Variants in VPS13B observed in about 807,000 individuals in gnomAD.
The protein encoded by VPS13B is vacuolar protein sorting 13 homolog B, also known as intermembrane lipid transfer protein VPS13B.
VPS13B carries 285 observed loss-of-function variants against 426.4 expected under a neutral mutation model. The observed-to-expected ratio is 0.67, with a 90% CI of 0.61 to 0.74. VPS13B has a LOEUF of 0.74. Ranked by LOEUF, VPS13B falls within the 30% of genes least tolerant of loss-of-function variation. The pLI is 0.00. For synonymous variants in VPS13B, 1,676 were observed against 1,676.4 expected, an observed-to-expected ratio of 1.00 and a Z score of 0.01; for missense variants, 4,537 against 4,782.6, an observed-to-expected ratio of 0.95 and a Z score of 1.51.
intron 14 of VPS13B, 40 bp downstream of exon 14, chr8:99,148,050 A>G (rs770574397): frequency 2.0e-6 from 3 of 1,487,044 alleles, no homozygotes; most frequent in Admixed American, 3.5e-5. Context: ...TCCCTCATAT[A>G]TGGATTTTTT....
intron 10 of VPS13B, among the ~76,000 whole-genome samples, chr8:99,135,350 C>G (rs1330505433): frequency 6.6e-6 from 1 of 152,022 alleles, no homozygotes; most frequent in Non-Finnish European, 1.5e-5. Context: ...ACAGTAGTTC[C>G]AACTACTTTC....
chr8:99,166,584 A>G (rs201943923), intron 15 of VPS13B, among the ~76,000 whole-genome samples: 3 of 152,344 alleles, frequency 2.0e-5, no homozygotes, highest in East Asian at 3.9e-4. Flanking sequence ...ACGAAGATAT[A>G]CATAAATGGA....
chr8:99,443,305 A>G (rs748553853), intron 23 of VPS13B, among the ~76,000 whole-genome samples: 4 of 152,148 alleles, frequency 2.6e-5, no homozygotes, highest in Non-Finnish European at 4.4e-5. Flanking sequence ...CACCTTGTTC[A>G]TATTATTATG....
chr8:99,428,119 C>A (rs1816837024), intron 21 of VPS13B, among the ~76,000 whole-genome samples: 1 of 152,102 alleles, frequency 6.6e-6, no homozygotes, highest in South Asian at 2.1e-4. Context: ...TTCCTTACAC[C>A]TTATACAAAA....
At chr8:99,064,744 G>C (rs367548478) in intron 3 of VPS13B, among the ~76,000 whole-genome samples, 1 of 152,200 alleles carries the variant, frequency 6.6e-6, no homozygotes, top group African/African-American at 2.4e-5. Context: ...TTCAAATTCA[G>C]GAAATATAGA....
intron 17 of VPS13B, among the ~76,000 whole-genome samples, chr8:99,216,813 A>T (rs1815416241): frequency 6.6e-6 from 1 of 152,116 alleles, no homozygotes; most frequent in Non-Finnish European, 1.5e-5. Flanking sequence ...TTGAATAAGT[A>T]AAAATGTTAA....
At chr8:99,145,819 A>G (rs1475291375) in intron 13 of VPS13B, among the ~76,000 whole-genome samples, 1 of 152,238 alleles carries the variant, frequency 6.6e-6, no homozygotes, top group East Asian at 1.9e-4. Context: ...TCTTCAGGAT[A>G]AATTGCTGGG....
chr8:99,720,120 G>A (rs776157867), intron 37 of VPS13B, among the ~76,000 whole-genome samples: 1 of 151,666 alleles, frequency 6.6e-6, no homozygotes, highest in Non-Finnish European at 1.5e-5. Flanking sequence ...AAAATTTATT[G>A]TTATTCACAC....
chr8:99,261,078 C>T (rs1818015017), intron 17 of VPS13B, among the ~76,000 whole-genome samples: 1 of 151,920 alleles, frequency 6.6e-6, no homozygotes, highest in Non-Finnish European at 1.5e-5. Context: ...TATCAATATC[C>T]CCTATCAGAG....
At chr8:99,031,577 T>C (rs1842508448) in intron 2 of VPS13B, among the ~76,000 whole-genome samples, 1 of 152,206 alleles carries the variant, frequency 6.6e-6, no homozygotes. Context: ...AGATTTGACT[T>C]ACAGTACTGG....
Position 99,154,945 on chromosome 8 carries a change from A to G in VPS13B, c.2014-1604A>G, listed in dbSNP as rs75921684. 8.7e-3 allele frequency among the ~76,000 whole-genome samples: 1,320 copies of G among 152,236 alleles called. 22 individuals are homozygous for G. Among genetic ancestry groups the G allele is most frequent in the African/African-American group, 0.03 (1,241 of 41,538 alleles). On this transcript the variant is annotated intron_variant, in intron 14 of 61. Transcript: ENST00000357162. ...AGAAGCAATTGAATTAAATATAATAAAAAATCAATAATATAAATAGACTTA... is the reference window on the plus strand; with the variant it reads ...AGAAGCAATTGAATTAAATATAATAGAAAATCAATAATATAAATAGACTTA...
intron 17 of VPS13B, among the ~76,000 whole-genome samples, chr8:99,229,361 T>G (rs1816195375): frequency 6.6e-6 from 1 of 152,200 alleles, no homozygotes. Flanking sequence ...TGAAGTCAAC[T>G]TAATAAAAGC....
rs1458618745 is a variant in VPS13B, at chr8:99,860,923, T to A, written c.11045-853T>A. Among the ~76,000 whole-genome samples the A allele has an allele frequency of 2.0e-5, 3 of 152,238 alleles. No individual in the cohort carries two copies. The East Asian group carries it at 5.8e-4, about 29-fold the overall frequency. On this transcript the variant is annotated intron_variant, in intron 57 of 61. Coordinates refer to ENST00000357162, the MANE Select transcript of VPS13B (RefSeq NM_152564.5). ...ATCCTGAATATCAAAATTGCACATA[T>A]TCTCCATGGCACAATAATTACATCC... is the stretch of plus-strand genomic sequence containing the variant.
chr8:99,386,855 G>C (rs1814153843), intron 20 of VPS13B, among the ~76,000 whole-genome samples: 1 of 152,142 alleles, frequency 6.6e-6, no homozygotes, highest in African/African-American at 2.4e-5. Flanking sequence ...TATAGTCCCA[G>C]CTACACTGGA....
chr8:99,409,453 G>T (rs1815502479), intron 21 of VPS13B, among the ~76,000 whole-genome samples: 1 of 152,132 alleles, frequency 6.6e-6, no homozygotes, highest in Non-Finnish European at 1.5e-5. Context: ...ACAGGCATGA[G>T]CCACCATGCC....
chr8:99,194,600 CT>C (rs1677736301), intron 17 of VPS13B, among the ~76,000 whole-genome samples: 1 of 152,130 alleles, frequency 6.6e-6, no homozygotes, highest in South Asian at 2.1e-4. Flanking sequence ...ACAGAATTTC[CT>C]TCTTTATTTA....
At chr8:99,263,990 A>G (rs564624470) in intron 17 of VPS13B, among the ~76,000 whole-genome samples, 52 of 152,328 alleles carry the variant, frequency 3.4e-4, no homozygotes, top group African/African-American at 1.3e-3. Flanking sequence ...ACATGTATGT[A>G]TGAGTTAGAA....
intron 40 of VPS13B, among the ~76,000 whole-genome samples, chr8:99,773,051 GA>G (rs1268277423): frequency 6.6e-6 from 1 of 152,170 alleles, no homozygotes; most frequent in Non-Finnish European, 1.5e-5. Flanking sequence ...TTGCCCGCAA[GA>G]AAAAGAGGAA....
At chr8:99,693,192 T>A (rs1357466185) in intron 35 of VPS13B, among the ~76,000 whole-genome samples, 1 of 151,308 alleles carries the variant, frequency 6.6e-6, no homozygotes, top group Non-Finnish European at 1.5e-5. Flanking sequence ...CTATCTCATT[T>A]TATGAGGCCA....
Sources: allele counts gnomAD v4.1 joint callset (sites outside exome capture counted in the v4.1 genomes callset), GRCh38; gene constraint gnomAD v4.1.1; transcripts MANE v1.5; gene names NCBI Gene and HGNC (gene_info 2026-07-23, HGNC 2026-07-21).